Variants in TRDN observed in about 807,000 individuals in gnomAD.
TRDN encodes triadin.
In TRDN, 161 loss-of-function variants were observed where a neutral mutation model predicts 149.7. The observed-to-expected ratio is 1.08, with a 90% CI of 0.95 to 1.23. The LOEUF is 1.23. Among genes scored for constraint, TRDN ranks in the 50% most tolerant of loss-of-function variants. The pLI is 0.00. For synonymous variants in TRDN, 294 were observed against 250.5 expected, an observed-to-expected ratio of 1.17 and a Z score of -1.64; for missense variants, 896 against 823.5, an observed-to-expected ratio of 1.09 and a Z score of -1.08.
At chr6:123,351,338 T>G in intron 21 of TRDN, 1 of 968,446 alleles carries the variant, frequency 1.0e-6, no homozygotes, top group Non-Finnish European at 1.2e-6. Flanking sequence ...GATAATTACC[T>G]TTATTTTTTA....
chr6:123,355,093 C>T (rs1780610561), intron 20 of TRDN, among the ~76,000 whole-genome samples: 1 of 151,446 alleles, frequency 6.6e-6, no homozygotes, highest in African/African-American at 2.4e-5. Flanking sequence ...TGGAGTGCCT[C>T]TTTAGATTTT....
chr6:123,465,017 A>T, intron 9 of TRDN, 34 bp from the exon 10 acceptor site: 1 of 1,546,586 alleles, frequency 6.5e-7, no homozygotes, highest in Non-Finnish European at 8.7e-7. Flanking sequence ...TGGAAAAAAA[A>T]AAGTATTAAC....
chr6:123,302,154 T>C (rs1018894283), intron 24 of TRDN, among the ~76,000 whole-genome samples: 4 of 151,870 alleles, frequency 2.6e-5, no homozygotes, highest in Non-Finnish European at 5.9e-5. Flanking sequence ...ATTCTACTGA[T>C]GACAGATATA....
chr6:123,238,892 G>A (rs563281066), intron 38 of TRDN, among the ~76,000 whole-genome samples: 16 of 152,260 alleles, frequency 1.1e-4, no homozygotes, highest in Non-Finnish European at 1.8e-4. Flanking sequence ...CCAGGCTGGA[G>A]TGCAGTGGCA....
At chr6:123,441,793 G>A (rs554824477) in intron 10 of TRDN, among the ~76,000 whole-genome samples, 1 of 152,256 alleles carries the variant, frequency 6.6e-6, no homozygotes, top group South Asian at 2.1e-4. Context: ...AATGCAAAAT[G>A]TTTTATTTTT....
chr6:123,559,332 A>C (rs539507781), intron 2 of TRDN, among the ~76,000 whole-genome samples: 1 of 152,226 alleles, frequency 6.6e-6, no homozygotes, highest in Non-Finnish European at 1.5e-5. Context: ...GCCAAATTAG[A>C]CAATACTCTT....
At chr6:123,235,605 T>C (rs1051647822) in intron 38 of TRDN, among the ~76,000 whole-genome samples, 2 of 152,214 alleles carry the variant, frequency 1.3e-5, no homozygotes, top group South Asian at 2.1e-4. Flanking sequence ...AGTTTTTCAG[T>C]GCAAACTTCT....
At chr6:123,555,413 G>A (rs1781596266) in intron 2 of TRDN, among the ~76,000 whole-genome samples, 2 of 152,102 alleles carry the variant, frequency 1.3e-5, no homozygotes, top group Admixed American at 6.5e-5. Flanking sequence ...TTCAAAAAAT[G>A]TTTATTGCAA....
At chr6:123,218,913 C>T (rs894029430) in intron 40 of TRDN, among the ~76,000 whole-genome samples, 173 bp from the exon 41 acceptor site, 1 of 151,994 alleles carries the variant, frequency 6.6e-6, no homozygotes, top group East Asian at 2.0e-4. Flanking sequence ...AACATCAAAA[C>T]AACGAAAACC....
At chr6:123,266,001 C>A (rs953024696) in intron 32 of TRDN, among the ~76,000 whole-genome samples, 1 of 143,808 alleles carries the variant, frequency 7.0e-6, no homozygotes, top group Non-Finnish European at 1.5e-5. Context: ...AGGATTGAAT[C>A]ATCTAAAATT....
chr6:123,289,347 C>T (rs1044508084), intron 24 of TRDN, among the ~76,000 whole-genome samples: 6 of 151,660 alleles, frequency 4.0e-5, no homozygotes, highest in Non-Finnish European at 7.4e-5. Context: ...ATGGGAAAAG[C>T]GATGATGCTG....
intron 2 of TRDN, among the ~76,000 whole-genome samples, chr6:123,554,396 G>T (rs1246621735): frequency 2.6e-5 from 4 of 152,060 alleles, no homozygotes; most frequent in Non-Finnish European, 5.9e-5. Flanking sequence ...ATTTTGGTAT[G>T]TGAGGAAAGT....
chr6:123,321,643 C>A (rs2060067), intron 23 of TRDN, among the ~76,000 whole-genome samples: 27,475 of 152,006 alleles, frequency 0.18, 3,477 homozygotes, highest in East Asian at 0.63. Flanking sequence ...CACACTCACA[C>A]TCTTCCACAT....
chr6:123,503,592 A>G, intron 8 of TRDN, 127 bp downstream of exon 8: 1 of 1,485,914 alleles, frequency 6.7e-7, no homozygotes, highest in Admixed American at 2.7e-5. Context: ...TGATATATTT[A>G]CTTTAATGTC....
chr6:123,318,186 C>A (rs1242659296), intron 23 of TRDN, among the ~76,000 whole-genome samples: 3 of 151,162 alleles, frequency 2.0e-5, no homozygotes, highest in African/African-American at 7.3e-5. Context: ...AAGGAAACAA[C>A]TTTTTCTTTT....
intron 20 of TRDN, among the ~76,000 whole-genome samples, chr6:123,358,925 G>A (rs1780794987): frequency 6.6e-6 from 1 of 152,154 alleles, no homozygotes; most frequent in Non-Finnish European, 1.5e-5. Context: ...CGGAGAGGTA[G>A]ACCTACAGCC....
chr6:123,219,131 C>T (rs1340171231), intron 40 of TRDN, among the ~76,000 whole-genome samples: 5 of 151,828 alleles, frequency 3.3e-5, no homozygotes, highest in African/African-American at 4.8e-5. Flanking sequence ...TATCAATATG[C>T]AAAGCAACAG....
chr6:123,478,821 C>G (rs1215595789), intron 9 of TRDN, among the ~76,000 whole-genome samples: 1 of 152,176 alleles, frequency 6.6e-6, no homozygotes, highest in Admixed American at 6.5e-5. Context: ...TTTAGCCCTT[C>G]TTGGACTCCC....
intron 16 of TRDN, among the ~76,000 whole-genome samples, chr6:123,380,579 T>C (rs1781677118): frequency 6.6e-6 from 1 of 152,208 alleles, no homozygotes; most frequent in Admixed American, 6.6e-5. Flanking sequence ...GCATCCTTGC[T>C]TTTTGTAGGG....
Sources: gnomAD v4.1 joint callset for allele counts (sites outside exome capture counted in the v4.1 genomes callset) on GRCh38, gnomAD v4.1.1 for gene constraint, MANE v1.5 for transcripts, NCBI Gene and HGNC (gene_info 2026-07-23, HGNC 2026-07-21) for gene names.